Variants in MFSD6 observed in about 807,000 individuals in gnomAD.
The protein encoded by MFSD6 is major facilitator superfamily domain containing 6.
In MFSD6, 26 loss-of-function variants were observed where a neutral mutation model predicts 56.3. The observed-to-expected ratio is 0.46, with a 90% CI of 0.34 to 0.64. The LOEUF is 0.64. MFSD6 is among the 30% of genes least tolerant of loss of function. The probability of loss-of-function intolerance (pLI) is 0.01; values close to 1 mark genes in which losing one functional copy is unlikely to be tolerated. For synonymous variants in MFSD6, 331 were observed against 366.9 expected (o/e 0.90, Z 1.12); for missense variants, 750 against 986.2 (o/e 0.76, Z 3.21).
At position 190,436,792 on chromosome 2, in the gene MFSD6, G is replaced by A. The variant is rs149578500; in HGVS notation, c.763G>A (p.Val255Ile). The A allele has an allele frequency of 1.5e-4, 244 of 1,614,024 alleles. No individual in the cohort carries two copies. Among genetic ancestry groups the A allele is most frequent in the Non-Finnish European group, 1.8e-4 (209 of 1,180,042 alleles). The change falls in exon 3 of 8, where the codon GTA becomes ATA. Residue 255 changes from valine to isoleucine, a missense_variant. Val to Ile is a conservative substitution (Grantham distance 29). This residue lies in a region of MFSD6 where 376 missense variants were observed against 437.9 expected (regional missense o/e 0.86). Transcript: ENST00000392328. The surrounding 1 kb of genome is among the most constrained non-coding windows in gnomAD (Gnocchi z 5.3). ...STATPVSPGS[V>I]TKETTTVIVT... ...AGCAACCCCTGTCTCCCCAGGAAGCGTAACCAAGGAGACAACCACTGTTAT... is the reference window on the plus strand; with the variant it reads ...AGCAACCCCTGTCTCCCCAGGAAGCATAACCAAGGAGACAACCACTGTTAT...
Position 190,495,338 on chromosome 2 carries a change from G to A in MFSD6, c.1892-2101G>A, listed in dbSNP as rs886817076. Among the ~76,000 whole-genome samples the A allele has an allele frequency of 6.6e-6, 1 of 152,154 alleles. No individual in the cohort carries two copies. The highest frequency in any genetic ancestry group is 6.6e-5 in the Admixed American group (1 of 15,266). On this transcript the variant is annotated intron_variant, in intron 6 of 7. Transcript: ENST00000392328. This position sits in a 1 kb window ranked among gnomAD's most constrained non-coding sequence, Gnocchi z 4.7. ...GGAAAACTACAAAACACTGCTGAAAGAAATCATACATGACATACACAAATG... is the reference window on the plus strand; with the variant it reads ...GGAAAACTACAAAACACTGCTGAAAAAAATCATACATGACATACACAAATG...
chr2:190,490,697 A>G lies in MFSD6; in HGVS notation c.1891+831A>G, dbSNP rs1689296106. ...AAATATTAATATGTAGATGAGAATG[A>G]GCTGACTCAACTTTTTATGAAAAAG... On this transcript the variant is annotated intron_variant, in intron 6 of 7. Coordinates refer to ENST00000392328, the MANE Select transcript of MFSD6 (RefSeq NM_017694.4). This position sits in a 1 kb window ranked among gnomAD's most constrained non-coding sequence, Gnocchi z 4.5. 6.6e-6 allele frequency among the ~76,000 whole-genome samples: 1 copy of G among 152,238 alleles called. No individual in the cohort carries two copies.
At chr2:190,430,812 C>A (rs1685951628) in intron 2 of MFSD6, among the ~76,000 whole-genome samples, 1 of 145,366 alleles carries the variant, frequency 6.9e-6, no homozygotes, top group South Asian at 2.4e-4. Context: ...CCCCCACCTC[C>A]CTCCCGGACG....
In MFSD6 at chr2:190,456,531, T is replaced by C. The variant is rs562740337; in HGVS notation, c.1533-13227T>C. 2.0e-5 allele frequency among the ~76,000 whole-genome samples: 3 copies of C among 152,280 alleles called. 1 individual carries two copies. The South Asian group carries it at 6.2e-4, about 32-fold the overall frequency. On this transcript the variant is annotated intron_variant, in intron 3 of 7. Coordinates refer to ENST00000392328, the MANE Select transcript of MFSD6 (RefSeq NM_017694.4). The surrounding 1 kb of genome is among the most constrained non-coding windows in gnomAD (Gnocchi z 5.4). ...CCCACTCCGGGAACTCCCTGGCTGC[T>C]CTAGGAACCTGCAGGGCTGATGGCA...
intron 1 of MFSD6, chr2:190,411,744 G>T (rs909010313): frequency 4.0e-5 from 39 of 985,154 alleles, no homozygotes; most frequent in Non-Finnish European, 4.6e-5. Flanking sequence ...GGGGGCAAAG[G>T]GTAAAGAGTC....
At chr2:190,452,770 A>G (rs1308928857) in intron 3 of MFSD6, among the ~76,000 whole-genome samples, 1 of 152,094 alleles carries the variant, frequency 6.6e-6, no homozygotes, top group Non-Finnish European at 1.5e-5. Flanking sequence ...CACGTCCCCA[A>G]ATTATTCCTT....
intron 2 of MFSD6, among the ~76,000 whole-genome samples, chr2:190,428,182 G>C (rs1685842553): frequency 6.6e-6 from 1 of 152,100 alleles, no homozygotes; most frequent in Non-Finnish European, 1.5e-5. Flanking sequence ...TGTAGTTGTA[G>C]TTTGTTCATT....
chr2:190,430,700 C>G (rs915252163), intron 2 of MFSD6, among the ~76,000 whole-genome samples: 1 of 151,488 alleles, frequency 6.6e-6, no homozygotes, highest in Non-Finnish European at 1.5e-5. Context: ...CATCATGGCC[C>G]GTTCTCAATG....
chr2:190,479,692 T>A (rs188461247), intron 4 of MFSD6, among the ~76,000 whole-genome samples: 10 of 152,300 alleles, frequency 6.6e-5, no homozygotes, highest in African/African-American at 2.4e-4. Context: ...TTAAAATGTA[T>A]CTGATGAGAG....
Position 190,461,736 on chromosome 2 carries a change from T to G in MFSD6, c.1533-8022T>G, listed in dbSNP as rs1462697383. Among the ~76,000 whole-genome samples the G allele has an allele frequency of 6.6e-6, 1 of 152,172 alleles. No individual in the cohort carries two copies. The highest frequency in any genetic ancestry group is 2.4e-5 in the African/African-American group (1 of 41,438). ...GCTCCACTCTCATGACTTAATCACCTCCTTCATACTATCATCACATTGGTG... is the reference window on the plus strand; with the variant it reads ...GCTCCACTCTCATGACTTAATCACCGCCTTCATACTATCATCACATTGGTG... On this transcript the variant is annotated intron_variant, in intron 3 of 7. Transcript: ENST00000392328. The surrounding 1 kb of genome is among the most constrained non-coding windows in gnomAD (Gnocchi z 5.5).
At chr2:190,448,034 T>G (rs1008475194) in intron 3 of MFSD6, among the ~76,000 whole-genome samples, 1 of 152,208 alleles carries the variant, frequency 6.6e-6, no homozygotes, top group Non-Finnish European at 1.5e-5. Flanking sequence ...TTCTTTCTCT[T>G]CCATCTTCAG....
chr2:190,436,528 A>C lies in MFSD6; in HGVS notation c.499A>C (p.Thr167Pro), dbSNP rs1686180570. 6.2e-7 allele frequency: 1 copy of C among 1,614,020 alleles called. No homozygotes were observed. Among genetic ancestry groups the C allele is most frequent in the South Asian group, 1.1e-5 (1 of 91,082 alleles). The change falls in exon 3 of 8, where the codon ACT becomes CCT. Residue 167 changes from threonine to proline, a missense_variant. Physicochemically the swap from Thr to Pro is conservative, Grantham distance 38. Around this residue, in one of 5 missense-constraint regions of MFSD6, gnomAD observed 376 missense variants for 437.9 expected, o/e 0.86. Transcript: ENST00000392328. This position sits in a 1 kb window ranked among gnomAD's most constrained non-coding sequence, Gnocchi z 5.3. ...LRCVPKIRPT[T>P]HPTNASHQLT... The stretch of plus-strand genomic sequence containing the variant: ...ATGTGTACCAAAGATTCGCCCAACA[A>C]CTCACCCCACCAATGCAAGTCACCA...
chr2:190,411,357 A>C (rs1443597721), intron 1 of MFSD6: 6 of 507,458 alleles, frequency 1.2e-5, no homozygotes, highest in Non-Finnish European at 7.6e-6. Context: ...ACGGGGTTTC[A>C]TCATGTTGGC....
chr2:190,420,212 A>G (rs1266311370), intron 2 of MFSD6, among the ~76,000 whole-genome samples: 1 of 148,882 alleles, frequency 6.7e-6, no homozygotes, highest in African/African-American at 2.5e-5. Flanking sequence ...TAGCAACCAT[A>G]TATAGACAGG....
chr2:190,419,264 T>C (rs1197683540), intron 2 of MFSD6, among the ~76,000 whole-genome samples: 1 of 152,246 alleles, frequency 6.6e-6, no homozygotes, highest in Non-Finnish European at 1.5e-5. Context: ...ACCTAGATTC[T>C]AACGCTCTTT....
intron 2 of MFSD6, among the ~76,000 whole-genome samples, chr2:190,428,965 G>A (rs1163356041): frequency 2.0e-5 from 3 of 152,080 alleles, no homozygotes; most frequent in African/African-American, 7.2e-5. Flanking sequence ...GAGCCACCAT[G>A]CCCAGCCTCA....
intron 3 of MFSD6, among the ~76,000 whole-genome samples, chr2:190,441,500 G>A (rs1686376721): frequency 6.6e-6 from 1 of 152,048 alleles, no homozygotes; most frequent in Admixed American, 6.6e-5. Context: ...TGGGGGGAAA[G>A]CAGGGCATTT....
chr2:190,455,723 C>T (rs1038567474), intron 3 of MFSD6, among the ~76,000 whole-genome samples: 3 of 150,702 alleles, frequency 2.0e-5, no homozygotes, highest in East Asian at 3.9e-4. Flanking sequence ...GCAGGGGCAT[C>T]GTGCGGAGGT....
At chr2:190,486,626 G>GT (rs1559139552) in intron 4 of MFSD6, among the ~76,000 whole-genome samples, 1 of 152,182 alleles carries the variant, frequency 6.6e-6, no homozygotes, top group African/African-American at 2.4e-5. Flanking sequence ...GTTTTGTCCG[G>GT]TTTTTTAGTT....
Sources: gnomAD v4.1 joint callset for allele counts (sites outside exome capture counted in the v4.1 genomes callset) on GRCh38, gnomAD v4.1.1 for gene constraint, gnomAD v4.1.1 regional missense constraint, Gnocchi (gnomAD v3.1) non-coding constraint, MANE v1.5 for transcripts, NCBI Gene and HGNC (gene_info 2026-07-23, HGNC 2026-07-21) for gene names.